Variants in WLS observed in about 807,000 individuals in gnomAD.
WLS encodes Wnt ligand secretion mediator, also known as protein wntless homolog.
A neutral mutation model predicts 62.8 loss-of-function variants in WLS; 23 were observed. The ratio of observed to expected loss-of-function variants is 0.37; its 90% CI spans 0.26 to 0.52. WLS has a LOEUF of 0.52. Among genes scored for constraint, WLS ranks in the 20% least tolerant of loss-of-function variants. The pLI is 0.92. For synonymous variants in WLS, 246 were observed against 244.1 expected (o/e 1.01, Z -0.07); for missense variants, 615 against 697.3 (o/e 0.88, Z 1.33).
At chr1:68,118,735 C>G (rs578154285) in intron 11 of WLS, among the ~76,000 whole-genome samples, 7 of 151,578 alleles carry the variant, frequency 4.6e-5, no homozygotes, top group Non-Finnish European at 8.8e-5. Context: ...ATTAGCTGGG[C>G]GTGGTGGCAG....
intron 4 of WLS, among the ~76,000 whole-genome samples, chr1:68,154,209 T>G (rs796749266): frequency 9.2e-5 from 14 of 152,180 alleles, no homozygotes; most frequent in African/African-American, 2.2e-4. Flanking sequence ...TCTTAACACC[T>G]CTCTTGGCCG....
At position 68,135,625 on chromosome 1, in the gene WLS, G is replaced by A. The variant is rs550233279; in HGVS notation, c.1516+2155C>T. Reference sequence around the variant, plus strand: ...CAGTACTTGATAATTATTTCCCACCGGTATTATCATTCCATCATCCAGGAA... The same window carrying A: ...CAGTACTTGATAATTATTTCCCACCAGTATTATCATTCCATCATCCAGGAA... On this transcript the variant is annotated intron_variant, in intron 11 of 11. Transcript: ENST00000262348. Among the ~76,000 whole-genome samples, 26 of 152,212 alleles carry A rather than the reference G, an allele frequency of 1.7e-4. 1 individual carries two copies. In the South Asian group the frequency reaches 2.1e-3, roughly 12 times the overall value.
intron 4 of WLS, among the ~76,000 whole-genome samples, chr1:68,154,468 A>G (rs1360938590): frequency 6.6e-6 from 1 of 152,232 alleles, no homozygotes; most frequent in African/African-American, 2.4e-5. Flanking sequence ...TATATTACAT[A>G]TACCATTAAA....
At chr1:68,100,031 A>G (rs28361871) in intron 11 of WLS, among the ~76,000 whole-genome samples, 1,529 of 152,376 alleles carry the variant, frequency 0.01, 32 homozygotes, top group African/African-American at 0.035. Flanking sequence ...TTGCCAAATA[A>G]GCAGAAAAAG....
At position 68,232,439 on chromosome 1, in the gene WLS, G is replaced by A; in HGVS notation, c.-140C>T. 1.4e-6 allele frequency: 2 copies of A among 1,421,768 alleles called. No individual in the cohort carries two copies. The highest frequency in any genetic ancestry group is 1.6e-5 in the South Asian group (1 of 62,160). The allele number at this position is 1,421,768 out of a possible 1,614,324, so 88.1% of individuals were successfully genotyped here. A position where few individuals can be genotyped will look rare whatever the true frequency, so the allele number is the denominator to read the frequency against. On this transcript the variant is annotated 5_prime_UTR_variant, in exon 1 of 12. Coordinates refer to ENST00000262348, the MANE Select transcript of WLS (RefSeq NM_024911.7). ...CTTCAGAGGTGCTGGAGCGCGGCGA[G>A]GATGGGACCGGGACGGAAGGCGCCC...
At chr1:68,178,872 A>C (rs927890406) in intron 2 of WLS, among the ~76,000 whole-genome samples, 7 of 152,184 alleles carry the variant, frequency 4.6e-5, no homozygotes, top group Non-Finnish European at 1.0e-4. Context: ...GAATGAATGA[A>C]ATTGGGAAAG....
chr1:68,113,849 A>G (rs1646258086), intron 11 of WLS, among the ~76,000 whole-genome samples: 1 of 152,240 alleles, frequency 6.6e-6, no homozygotes, highest in African/African-American at 2.4e-5. Flanking sequence ...CTACAGTGAA[A>G]GGGAGCAGAA....
intron 11 of WLS, among the ~76,000 whole-genome samples, chr1:68,113,248 T>G (rs137890500): frequency 6.6e-6 from 1 of 152,268 alleles, no homozygotes; most frequent in African/African-American, 2.4e-5. Context: ...TGAGTCAGAT[T>G]TATGAGTTTG....
rs1650476346 is a variant in WLS, at chr1:68,232,476, C to T, written c.-177G>A. 2 of 1,306,710 alleles carry T rather than the reference C, an allele frequency of 1.5e-6. No individual in the cohort carries two copies. 80.9% of individuals were successfully genotyped at this position (1,306,710 alleles called of 1,614,324 possible). A position where few individuals can be genotyped will look rare whatever the true frequency, so the allele number is the denominator to read the frequency against. ...GACGGAAGGCGCCCGCACGGATTCC[C>T]CCGGCGCAGCCGGCTCGGGTTCCCC... is the stretch of plus-strand genomic sequence containing the variant. On this transcript the variant is annotated 5_prime_UTR_variant, in exon 1 of 12. Coordinates refer to ENST00000262348, the MANE Select transcript of WLS (RefSeq NM_024911.7).
intron 11 of WLS, chr1:68,100,727 T>C (rs1646066150): frequency 6.6e-6 from 1 of 152,144 alleles, no homozygotes; most frequent in South Asian, 2.1e-4. Flanking sequence ...ATGGACTCTT[T>C]GTGGCAATAA....
chr1:68,128,643 A>G (rs1646470495), intron 11 of WLS, among the ~76,000 whole-genome samples: 1 of 152,386 alleles, frequency 6.6e-6, no homozygotes, highest in South Asian at 2.1e-4. Flanking sequence ...GAATATGCAT[A>G]TGATCCTACA....
chr1:68,101,492 A>T (rs1331255561), intron 11 of WLS, among the ~76,000 whole-genome samples: 1 of 152,188 alleles, frequency 6.6e-6, no homozygotes, highest in Admixed American at 6.5e-5. Context: ...CTCAGTCCCG[A>T]TAGGATCACA....
chr1:68,163,094 T>A, intron 2 of WLS: 1 of 1,551,132 alleles, frequency 6.4e-7, no homozygotes. Context: ...GGGCCATACT[T>A]TATGGAACTT....
chr1:68,141,813 T>TA (rs1646690122), intron 10 of WLS: 1 of 152,138 alleles, frequency 6.6e-6, no homozygotes. Flanking sequence ...ATGACTATAT[T>TA]AATACAGTAC....
intron 11 of WLS, among the ~76,000 whole-genome samples, chr1:68,127,593 T>C (rs541100984): frequency 6.6e-6 from 1 of 152,312 alleles, no homozygotes; most frequent in South Asian, 2.1e-4. Context: ...GGTGCACGTG[T>C]GCACACATGT....
At chr1:68,112,113 C>T (rs568259519) in intron 11 of WLS, among the ~76,000 whole-genome samples, 151 of 152,306 alleles carry the variant, frequency 9.9e-4, no homozygotes, top group African/African-American at 2.5e-3. Flanking sequence ...ACTGGGTCAG[C>T]GCCAGCCTGT....
intron 2 of WLS, among the ~76,000 whole-genome samples, chr1:68,159,772 C>G (rs1009714423): frequency 6.6e-6 from 1 of 152,188 alleles, no homozygotes; most frequent in African/African-American, 2.4e-5. Flanking sequence ...CAAACTTATT[C>G]CCGAAAGTTC....
intron 5 of WLS, among the ~76,000 whole-genome samples, chr1:68,151,760 T>C (rs1043775445): frequency 5.3e-5 from 8 of 151,752 alleles, no homozygotes; most frequent in Non-Finnish European, 7.4e-5. Flanking sequence ...AGTGACAAGA[T>C]CAGAGGTGGA....
chr1:68,181,169 G>T (rs575291283), intron 2 of WLS, among the ~76,000 whole-genome samples: 2 of 151,836 alleles, frequency 1.3e-5, no homozygotes, highest in African/African-American at 4.8e-5. Flanking sequence ...CCCCATAAAA[G>T]AACCTCATAA....
Sources: allele counts gnomAD v4.1 joint callset (sites outside exome capture counted in the v4.1 genomes callset), GRCh38; gene constraint gnomAD v4.1.1; transcripts MANE v1.5; gene names NCBI Gene and HGNC (gene_info 2026-07-23, HGNC 2026-07-21).